Variants in NAALADL2 observed in about 807,000 individuals in gnomAD.
NAALADL2 encodes the protein inactive N-acetylated-alpha-linked acidic dipeptidase-like protein 2.
A neutral mutation model predicts 87.2 loss-of-function variants in NAALADL2; 76 were observed. The observed-to-expected ratio is 0.87, with a 90% CI of 0.72 to 1.05. The LOEUF (loss-of-function observed/expected upper bound fraction) is 1.05, where lower values mean the gene tolerates loss of function less well. NAALADL2 is among the 50% of genes least tolerant of loss of function. NAALADL2 has a pLI of 0.00. For missense variants in NAALADL2, 1,089 were observed against 945.8 expected, an observed-to-expected ratio of 1.15 and a Z score of -1.99; for synonymous variants, 354 against 331.0, an observed-to-expected ratio of 1.07 and a Z score of -0.75.
At chr3:174,755,864 C>T (rs762299614) in intron 3 of NAALADL2, among the ~76,000 whole-genome samples, 5 of 152,206 alleles carry the variant, frequency 3.3e-5, no homozygotes, top group East Asian at 1.9e-4. Context: ...ACTTGCTAAT[C>T]GGTTCCCAAT....
intron 11 of NAALADL2, among the ~76,000 whole-genome samples, chr3:175,648,052 A>G (rs1244986712): frequency 6.6e-6 from 1 of 152,212 alleles, no homozygotes; most frequent in South Asian, 2.1e-4. Context: ...GTCTCGTGCC[A>G]GCTTGTCATA....
intron 3 of NAALADL2, among the ~76,000 whole-genome samples, chr3:174,788,405 A>G (rs532495292): frequency 1.3e-5 from 2 of 152,260 alleles, no homozygotes; most frequent in South Asian, 4.1e-4. Context: ...AAGTAACACA[A>G]ATTTATTTTC....
At chr3:174,615,956 G>A (rs138651020) in intron 2 of NAALADL2, among the ~76,000 whole-genome samples, 5 of 152,092 alleles carry the variant, frequency 3.3e-5, no homozygotes, top group Non-Finnish European at 4.4e-5. Flanking sequence ...CATTGAAAAT[G>A]TTCTGTAGAA....
intron 1 of NAALADL2, among the ~76,000 whole-genome samples, chr3:174,528,838 T>C (rs1162011143): frequency 1.3e-5 from 2 of 152,096 alleles, no homozygotes; most frequent in Non-Finnish European, 2.9e-5. Flanking sequence ...GAGAACAGCA[T>C]GGGAAAGATT....
intron 2 of NAALADL2, among the ~76,000 whole-genome samples, chr3:175,177,847 A>ATGTGTG (rs3066287): frequency 0.4 from 60,545 of 150,964 alleles, 12,277 homozygotes; most frequent in East Asian, 0.56. Context: ...GTGTGTGTGT[A>ATGTGTG]TGTGTGTGTG....
chr3:174,860,352 A>T (rs1397832579), intron 1 of NAALADL2, among the ~76,000 whole-genome samples: 3 of 151,998 alleles, frequency 2.0e-5, no homozygotes, highest in African/African-American at 2.4e-5. Context: ...CTTTCTTGAA[A>T]TACTGTGTAA....
intron 2 of NAALADL2, among the ~76,000 whole-genome samples, chr3:174,564,378 A>G (rs1713987206): frequency 6.6e-6 from 1 of 152,068 alleles, no homozygotes; most frequent in African/African-American, 2.4e-5. Context: ...AAGGAGGAGG[A>G]TGTCAGTGAG....
At chr3:175,790,400 T>TTAGAA (rs2108286140) in intron 13 of NAALADL2, among the ~76,000 whole-genome samples, 1 of 152,286 alleles carries the variant, frequency 6.6e-6, no homozygotes, top group South Asian at 2.1e-4. Flanking sequence ...AATACTGCCT[T>TTAGAA]TAGAATAAAC....
intron 1 of NAALADL2, among the ~76,000 whole-genome samples, chr3:174,990,641 G>C (rs1039516820): frequency 3.4e-4 from 51 of 152,204 alleles, no homozygotes; most frequent in African/African-American, 1.1e-3. Flanking sequence ...GTCGTACATA[G>C]GAAAAATTTC....
chr3:174,884,687 C>T (rs1450951977), intron 1 of NAALADL2, among the ~76,000 whole-genome samples: 4 of 152,126 alleles, frequency 2.6e-5, no homozygotes, highest in African/African-American at 9.7e-5. Context: ...TCAATTCAGC[C>T]TAATCCAACT....
chr3:174,475,454 G>A (rs971265839), intron 1 of NAALADL2, among the ~76,000 whole-genome samples: 1 of 114,776 alleles, frequency 8.7e-6, no homozygotes, highest in Non-Finnish European at 1.7e-5. Context: ...ATATAATTGT[G>A]TAATTTTTTT....
intron 5 of NAALADL2, among the ~76,000 whole-genome samples, chr3:175,374,469 G>A (rs1766867550): frequency 7.7e-6 from 1 of 130,266 alleles, no homozygotes; most frequent in Non-Finnish European, 1.6e-5. Context: ...TAGAAGAATT[G>A]CTTGAACCTA....
At chr3:175,452,982 C>T (rs1206364801) in intron 6 of NAALADL2, among the ~76,000 whole-genome samples, 1 of 152,086 alleles carries the variant, frequency 6.6e-6, no homozygotes, top group Non-Finnish European at 1.5e-5. Context: ...GATTCTGTCT[C>T]AACAGTTTTG....
At chr3:175,346,123 G>T (rs1415214204) in intron 5 of NAALADL2, among the ~76,000 whole-genome samples, 2 of 151,936 alleles carry the variant, frequency 1.3e-5, no homozygotes, top group African/African-American at 4.8e-5. Flanking sequence ...TTATCTCAGT[G>T]TAATTGTATT....
At chr3:174,446,753 C>T (rs1208994229) in intron 1 of NAALADL2, among the ~76,000 whole-genome samples, 1 of 152,100 alleles carries the variant, frequency 6.6e-6, no homozygotes, top group African/African-American at 2.4e-5. Flanking sequence ...GGTTATAGAA[C>T]TCTCAGAGTA....
intron 5 of NAALADL2, among the ~76,000 whole-genome samples, chr3:175,428,196 GCTTGACTTCTGTAC>G (rs1217818530): frequency 2.0e-5 from 3 of 152,042 alleles, no homozygotes; most frequent in Admixed American, 6.6e-5. Flanking sequence ...ATGGCATACA[GCTTGACTTCTGTAC>G]CTTGACTTCT....
chr3:175,622,339 A>G (rs1193598494), intron 10 of NAALADL2, among the ~76,000 whole-genome samples: 2 of 152,142 alleles, frequency 1.3e-5, no homozygotes, highest in African/African-American at 2.4e-5. Flanking sequence ...AAGTGCCGTA[A>G]AACAGCTCAA....
intron 5 of NAALADL2, among the ~76,000 whole-genome samples, chr3:175,439,731 C>CT (rs535237866): frequency 0.15 from 17,255 of 113,180 alleles, 1,724 homozygotes; most frequent in Non-Finnish European, 0.21. Context: ...GTTTTTTTTT[C>CT]TTTTTTTTCT....
At chr3:174,862,890 T>C (rs1159980291) in intron 1 of NAALADL2, among the ~76,000 whole-genome samples, 1 of 152,002 alleles carries the variant, frequency 6.6e-6, no homozygotes, top group Non-Finnish European at 1.5e-5. Flanking sequence ...CTCTAGGAAA[T>C]CCCTACTCTG....
Sources: allele counts gnomAD v4.1 joint callset (sites outside exome capture counted in the v4.1 genomes callset), GRCh38; gene constraint gnomAD v4.1.1; transcripts MANE v1.5; gene names NCBI Gene and HGNC (gene_info 2026-07-23, HGNC 2026-07-21).